ZNF717: variants seen among roughly 807,000 people sequenced by gnomAD.
ZNF717 encodes the protein zinc finger protein 717, also known as krueppel-like factor X17.
A neutral mutation model predicts 13.8 loss-of-function variants in ZNF717; 9 were observed. The ratio of observed to expected loss-of-function variants is 0.65; its 90% CI spans 0.39 to 1.14. The LOEUF is 1.14. Ranked by LOEUF, ZNF717 falls within the 50% of genes most tolerant of loss-of-function variation. The pLI, the probability that ZNF717 is intolerant of heterozygous loss-of-function variation, is 0.01. For synonymous variants in ZNF717, 327 were observed against 364.1 expected (o/e 0.90, Z 1.16); for missense variants, 1,040 against 1,080.7 (o/e 0.96, Z 0.53).
chr3:75,780,494 T>G (rs1944730449), intron 2 of ZNF717, among the ~76,000 whole-genome samples: 1 of 152,098 alleles, frequency 6.6e-6, no homozygotes, highest in Non-Finnish European at 1.5e-5. Flanking sequence ...AAGTTCCGCC[T>G]CCCGGGTTCA....
chr3:75,749,889 T>C (rs3009059), intron 2 of ZNF717, among the ~76,000 whole-genome samples: 105,420 of 148,934 alleles, frequency 0.71, 38,020 homozygotes, highest in East Asian at 0.79. Flanking sequence ...GTCCCTCACA[T>C]AGGATTCCAG....
At chr3:75,759,253 A>G (rs1206273251) in intron 2 of ZNF717, among the ~76,000 whole-genome samples, 1 of 150,886 alleles carries the variant, frequency 6.6e-6, no homozygotes, top group African/African-American at 2.4e-5. Flanking sequence ...TTAAGAGGGT[A>G]TATTTTAGGT....
At position 75,742,478 on chromosome 3, in the gene ZNF717, A is replaced by C. The variant is rs74408432; in HGVS notation, c.58-742T>G. Among the ~76,000 whole-genome samples the C allele has an allele frequency of 2.7e-3, 414 of 152,342 alleles. 8 individuals are homozygous for C. The East Asian group carries it at 0.07, about 26-fold the overall frequency. ...ACTAAGATAAGAGAAGGAGAAAATAAGTTTTGTTTATTTTGCACCATGAGG... is the reference window on the plus strand; with the variant it reads ...ACTAAGATAAGAGAAGGAGAAAATACGTTTTGTTTATTTTGCACCATGAGG... On this transcript the variant is annotated intron_variant, in intron 2 of 4. Transcript: ENST00000652011.
rs368193208 is a variant in ZNF717, at chr3:75,751,420, T to C, written c.58-9684A>G. ...CTGTGGTCTGAATGTTTGTACCCCA[T>C]GTAGTACTCAAGAACACTGCTGCTG... On this transcript the variant is annotated intron_variant, in intron 2 of 4. Coordinates refer to ENST00000652011, the MANE Select transcript of ZNF717 (RefSeq NM_001290208.3). Among the ~76,000 whole-genome samples the C allele has an allele frequency of 4.1e-3, 478 of 116,496 alleles. 9 individuals are homozygous for C. In the Middle Eastern group the frequency reaches 0.076, roughly 19 times the overall value. The allele number at this position is 116,496 out of a possible 152,430, so 76.4% of individuals were successfully genotyped here.
At chr3:75,773,750 T>A (rs1199825059) in intron 2 of ZNF717, among the ~76,000 whole-genome samples, 1 of 151,886 alleles carries the variant, frequency 6.6e-6, no homozygotes, top group Non-Finnish European at 1.5e-5. Context: ...CAAGACGCTA[T>A]CTTTAACAAA....
chr3:75,742,512 T>C (rs1188731945), intron 2 of ZNF717, among the ~76,000 whole-genome samples: 27 of 150,382 alleles, frequency 1.8e-4, no homozygotes, highest in African/African-American at 6.4e-4. Context: ...GGTTCCACTT[T>C]ACTGAAAAAT....
At chr3:75,729,793 AAAG>A (rs1258115589), downstream of ZNF717, among the ~76,000 whole-genome samples, 3 of 152,198 alleles carry the variant, frequency 2.0e-5, no homozygotes, top group Non-Finnish European at 2.9e-5. Context: ...TTAGGAACCA[AAAG>A]AAGGAGGCAG....
At chr3:75,701,557 G>T (rs3009090) in intron 6 of ZNF717, among the ~76,000 whole-genome samples, 139,725 of 151,330 alleles carry the variant, frequency 0.92, 64,086 homozygotes, top group East Asian at 0.99. Flanking sequence ...CTGGGTGTGC[G>T]GGCAGGTGCC....
intron 2 of ZNF717, among the ~76,000 whole-genome samples, chr3:75,766,224 C>T (rs7430354): frequency 0.33 from 49,781 of 148,950 alleles, 7,191 homozygotes; most frequent in Non-Finnish European, 0.41. Flanking sequence ...ACAGAGACTG[C>T]CAGACCTGAG....
chr3:75,764,990 G>GATATATATATATATGTATATAT (rs1943326328), intron 2 of ZNF717, among the ~76,000 whole-genome samples: 1 of 102,300 alleles, frequency 9.8e-6, no homozygotes, highest in Non-Finnish European at 1.8e-5. Flanking sequence ...TAAACAAAAG[G>GATATATATATATATGTATATAT]ATATATATAT....
chr3:75,753,770 G>T (rs1436923064), intron 2 of ZNF717, among the ~76,000 whole-genome samples: 1 of 134,838 alleles, frequency 7.4e-6, no homozygotes, highest in African/African-American at 2.8e-5. Flanking sequence ...GAACACTTCT[G>T]CTGTGGTCTG....
At position 75,741,560 on chromosome 3, in the gene ZNF717, T is replaced by C. The variant is rs748047337; in HGVS notation, c.184+50A>G. On this transcript the variant is annotated intron_variant, in intron 3 of 4. Coordinates refer to ENST00000652011, the MANE Select transcript of ZNF717 (RefSeq NM_001290208.3). ...TTATACCTTAAAAGGGTTCCTATAT[T>C]TACCAGCAACAAAATACAATCCTGG... The C allele has an allele frequency of 4.5e-6, 7 of 1,560,980 alleles. No individual in the cohort carries two copies. In the South Asian group the frequency reaches 7.0e-5, roughly 16 times the overall value.
At chr3:75,763,027 C>T (rs571665158) in intron 2 of ZNF717, among the ~76,000 whole-genome samples, 7 of 152,262 alleles carry the variant, frequency 4.6e-5, no homozygotes, top group African/African-American at 1.2e-4. Flanking sequence ...CCTTACACCA[C>T]GTTAAAATTA....
At chr3:75,739,564 T>C (rs1940070838) in intron 4 of ZNF717, among the ~76,000 whole-genome samples, 4 of 152,168 alleles carry the variant, frequency 2.6e-5, no homozygotes. Flanking sequence ...CTTTGCATTT[T>C]GAAGTTTTCC....
intron 6 of ZNF717, among the ~76,000 whole-genome samples, chr3:75,694,909 A>C (rs1404856200): frequency 1.3e-5 from 2 of 152,324 alleles, no homozygotes; most frequent in Non-Finnish European, 2.9e-5. Context: ...ACTAAAAGGA[A>C]GACAGGAAGA....
rs1478025931 is a variant in ZNF717, at chr3:75,738,818, C to T, written c.805G>A (p.Asp269Asn). 1.9e-6 allele frequency: 3 copies of T among 1,552,240 alleles called. No individual in the cohort carries two copies. The highest frequency in any genetic ancestry group is 2.0e-5 in the Admixed American group (1 of 51,074). The change falls in exon 5 of 5, where the codon GAC becomes AAC. Residue 269 changes from aspartate to asparagine, a missense_variant. Coordinates refer to ENST00000652011, the MANE Select transcript of ZNF717 (RefSeq NM_001290208.3). The part of the protein sequence containing the change: ...VGQPTCCRKS[D>N]FTKHQQTHTG... ...TGTGTCTGCTGATGTTTAGTGAAGT[C>T]AGACTTTCTACAGCAAGTTGGCTGT...
chr3:75,709,184 G>A (rs1405164682), downstream of ZNF717, among the ~76,000 whole-genome samples: 3 of 151,904 alleles, frequency 2.0e-5, no homozygotes, highest in Non-Finnish European at 4.4e-5. Flanking sequence ...ATTTTTAGTA[G>A]AGATGTGGTT....
At chr3:75,749,089 C>T (rs1430822012) in intron 2 of ZNF717, among the ~76,000 whole-genome samples, 1 of 151,936 alleles carries the variant, frequency 6.6e-6, no homozygotes, top group Non-Finnish European at 1.5e-5. Flanking sequence ...TTCCACAGCA[C>T]TGCTGCTGGG....
chr3:75,745,980 C>A lies in ZNF717; in HGVS notation c.58-4244G>T, dbSNP rs750819404. 3.9e-5 allele frequency among the ~76,000 whole-genome samples: 6 copies of A among 152,168 alleles called. No homozygotes were observed. In the South Asian group the frequency reaches 1.0e-3, roughly 26 times the overall value. On this transcript the variant is annotated intron_variant, in intron 2 of 4. Transcript: ENST00000652011. ...TGTTGGTGTGCTGCACCCAGTAACT[C>A]GTAATTTACATTAGGTATATCTCCT... is the stretch of plus-strand genomic sequence containing the variant.
Sources: allele counts gnomAD v4.1 joint callset (sites outside exome capture counted in the v4.1 genomes callset), GRCh38; gene constraint gnomAD v4.1.1; transcripts MANE v1.5; gene names NCBI Gene and HGNC (gene_info 2026-07-23, HGNC 2026-07-21).